PTPRD: variants seen among roughly 807,000 people sequenced by gnomAD.
PTPRD encodes protein tyrosine phosphatase receptor type D.
Under a neutral mutation model 214.5 loss-of-function variants are expected in PTPRD, and 34 were observed. The observed-to-expected ratio is 0.16, with a 90% CI of 0.12 to 0.21. The LOEUF is 0.21. Ranked by LOEUF, PTPRD falls within the 10% of genes least tolerant of loss-of-function variation. The pLI, the probability that PTPRD is intolerant of heterozygous loss-of-function variation, is 1.00. For missense variants in PTPRD, 2,545 were observed against 2,398.7 expected, an observed-to-expected ratio of 1.06 and a Z score of -1.27; for synonymous variants, 1,128 against 845.7, an observed-to-expected ratio of 1.33 and a Z score of -5.79.
chr9:9,627,056 G>T lies in PTPRD; in HGVS notation c.-286-52275C>A, dbSNP rs530828521. 8.4e-4 allele frequency among the ~76,000 whole-genome samples: 128 copies of T among 152,342 alleles called. 1 individual carries two copies. Among genetic ancestry groups the T allele is most frequent in the Admixed American group, 1.0e-3 (16 of 15,298 alleles). ...AGGCTGGGTGTGGTGGCTCGTGCCTGTAATTCCCACACTTTGGGAGGCCAA... is the reference window on the plus strand; with the variant it reads ...AGGCTGGGTGTGGTGGCTCGTGCCTTTAATTCCCACACTTTGGGAGGCCAA... On this transcript the variant is annotated intron_variant, in intron 7 of 45. Transcript: ENST00000381196.
chr9:10,263,911 C>G (rs775166395), intron 3 of PTPRD, among the ~76,000 whole-genome samples: 1 of 152,072 alleles, frequency 6.6e-6, no homozygotes, highest in Non-Finnish European at 1.5e-5. Context: ...TGCCTAGGGA[C>G]TTGGTGTTCT....
intron 8 of PTPRD, among the ~76,000 whole-genome samples, chr9:9,540,913 T>C (rs2077457870): frequency 6.6e-6 from 1 of 151,828 alleles, no homozygotes; most frequent in Non-Finnish European, 1.5e-5. Flanking sequence ...CCTATCCTAA[T>C]ACTAAGAACA....
chr9:9,027,353 C>A (rs1335778503), intron 10 of PTPRD, among the ~76,000 whole-genome samples: 1 of 151,760 alleles, frequency 6.6e-6, no homozygotes, highest in African/African-American at 2.4e-5. Context: ...ATAGCTGTTA[C>A]CATGGAAAAT....
chr9:9,806,371 G>A (rs1279368348), intron 5 of PTPRD, among the ~76,000 whole-genome samples: 1 of 152,090 alleles, frequency 6.6e-6, no homozygotes, highest in Non-Finnish European at 1.5e-5. Context: ...AAGCCATTAT[G>A]ACATTCCCCC....
intron 4 of PTPRD, among the ~76,000 whole-genome samples, chr9:9,948,877 GAT>G (rs1247711243): frequency 2.0e-5 from 3 of 152,056 alleles, no homozygotes; most frequent in African/African-American, 4.8e-5. Flanking sequence ...CAAAGAACAA[GAT>G]ATGGCAGTCA....
At chr9:9,763,249 T>G (rs372694448) in intron 6 of PTPRD, among the ~76,000 whole-genome samples, 11 of 152,314 alleles carry the variant, frequency 7.2e-5, no homozygotes, top group East Asian at 5.8e-4. Context: ...TGCATACCCA[T>G]GACATAGAGA....
rs147591595 is a variant in PTPRD, at chr9:10,354,631, T to A, written c.-599-13614A>T. Among the ~76,000 whole-genome samples, 524 of 152,358 alleles carry A rather than the reference T, an allele frequency of 3.4e-3. 4 individuals carry two copies. The highest frequency in any genetic ancestry group is 6.7e-3 in the Admixed American group (103 of 15,310). On this transcript the variant is annotated intron_variant, in intron 2 of 45. Coordinates refer to ENST00000381196, the MANE Select transcript of PTPRD (RefSeq NM_002839.4). ...TTAGCAATTTTATCTTCTATTCAGT[T>A]TGTATTAAGAACTTGTTTTAAAATA...
chr9:8,863,593 AC>A (rs1200849425), intron 11 of PTPRD, among the ~76,000 whole-genome samples: 4 of 152,220 alleles, frequency 2.6e-5, no homozygotes, highest in African/African-American at 9.6e-5. Context: ...GTGTTTCCTA[AC>A]AAAATTGTGT....
At chr9:8,782,930 C>A (rs541979566) in intron 11 of PTPRD, among the ~76,000 whole-genome samples, 6 of 152,034 alleles carry the variant, frequency 3.9e-5, no homozygotes, top group Non-Finnish European at 7.4e-5. Flanking sequence ...CAATAGTCTA[C>A]GTAGCCAGAA....
intron 20 of PTPRD, among the ~76,000 whole-genome samples, chr9:8,519,205 G>A (rs1204741089): frequency 6.6e-6 from 1 of 152,144 alleles, no homozygotes; most frequent in Non-Finnish European, 1.5e-5. Flanking sequence ...TTTAAGGTAT[G>A]TTATGGTCAT....
At chr9:9,727,062 A>C (rs1383158161) in intron 7 of PTPRD, among the ~76,000 whole-genome samples, 2 of 152,192 alleles carry the variant, frequency 1.3e-5, no homozygotes, top group African/African-American at 4.8e-5. Context: ...GACAGGAGGC[A>C]AGAAATCATA....
chr9:9,869,215 G>A lies in PTPRD; in HGVS notation c.-368+69292C>T, dbSNP rs559964406. Among the ~76,000 whole-genome samples, 3 of 152,242 alleles carry A rather than the reference G, an allele frequency of 2.0e-5. No homozygotes were observed. The South Asian group carries it at 6.2e-4, about 32-fold the overall frequency. The stretch of plus-strand genomic sequence containing the variant: ...CTTTTCTGAACAAACCAAATAGGCT[G>A]CAAATATTCATGTGATCAAATGGCT... On this transcript the variant is annotated intron_variant, in intron 5 of 45. Transcript: ENST00000381196.
chr9:8,829,484 G>C (rs1451042348), intron 11 of PTPRD, among the ~76,000 whole-genome samples: 1 of 150,864 alleles, frequency 6.6e-6, no homozygotes, highest in Non-Finnish European at 1.5e-5. Context: ...TTGGTGAGTA[G>C]CTCTGCATTG....
chr9:9,847,515 C>G (rs760418162), intron 5 of PTPRD, among the ~76,000 whole-genome samples: 4 of 152,122 alleles, frequency 2.6e-5, no homozygotes, highest in Non-Finnish European at 5.9e-5. Context: ...TCCCTGTTCT[C>G]TGGACCTAAT....
At chr9:10,294,510 T>C (rs2095620064) in intron 3 of PTPRD, among the ~76,000 whole-genome samples, 5 of 151,962 alleles carry the variant, frequency 3.3e-5, no homozygotes, top group Admixed American at 3.3e-4. Context: ...AACATTTGCA[T>C]TTTTAACTGA....
intron 2 of PTPRD, among the ~76,000 whole-genome samples, chr9:10,448,251 T>C (rs1178746581): frequency 1.3e-5 from 2 of 151,960 alleles, no homozygotes; most frequent in African/African-American, 4.8e-5. Context: ...GAATGACAGA[T>C]AACATAATTA....
At chr9:8,711,092 C>T (rs1426871194) in intron 12 of PTPRD, among the ~76,000 whole-genome samples, 2 of 151,986 alleles carry the variant, frequency 1.3e-5, no homozygotes, top group African/African-American at 4.8e-5. Context: ...AATGTTATTT[C>T]ATGCCATAAC....
intron 11 of PTPRD, among the ~76,000 whole-genome samples, chr9:8,825,624 G>C (rs763526582): frequency 6.6e-6 from 1 of 152,154 alleles, no homozygotes; most frequent in Non-Finnish European, 1.5e-5. Flanking sequence ...AGAATTCATG[G>C]TGAGTTCGCA....
chr9:9,779,078 CAAAAAAA>C (rs869120926), intron 5 of PTPRD, among the ~76,000 whole-genome samples: 26 of 45,486 alleles, frequency 5.7e-4, no homozygotes, highest in South Asian at 2.2e-3. Context: ...ATAAGACTGA[CAAAAAAA>C]AAAAAAAAAA....
Sources: gnomAD v4.1 joint callset for allele counts (sites outside exome capture counted in the v4.1 genomes callset) on GRCh38, gnomAD v4.1.1 for gene constraint, MANE v1.5 for transcripts, NCBI Gene and HGNC (gene_info 2026-07-23, HGNC 2026-07-21) for gene names.